Variants in ST6GAL1 observed in about 807,000 individuals in gnomAD.
The protein encoded by ST6GAL1 is ST6 beta-galactoside alpha-2,6-sialyltransferase 1.
A neutral mutation model predicts 38.0 loss-of-function variants in ST6GAL1; 20 were observed. That is an observed-to-expected ratio of 0.53 (90% CI 0.37 to 0.77). The LOEUF is 0.77. Among genes scored for constraint, ST6GAL1 ranks in the 30% least tolerant of loss-of-function variants. ST6GAL1 has a pLI of 0.00. For synonymous variants in ST6GAL1, 196 were observed against 188.2 expected, an observed-to-expected ratio of 1.04 and a Z score of -0.34; for missense variants, 432 against 496.4, an observed-to-expected ratio of 0.87 and a Z score of 1.23.
At chr3:186,972,548 C>T (rs6799716) in intron 2 of ST6GAL1, among the ~76,000 whole-genome samples, 11,356 of 152,072 alleles carry the variant, frequency 0.075, 475 homozygotes, top group East Asian at 0.17. Flanking sequence ...CCATGCCCGG[C>T]CACTGCTTGT....
chr3:187,019,564 ACTT>A (rs1279374097), intron 2 of ST6GAL1, among the ~76,000 whole-genome samples: 4 of 152,200 alleles, frequency 2.6e-5, no homozygotes, highest in African/African-American at 9.7e-5. Context: ...GAAGGAGCAA[ACTT>A]CTTGTGGGGC....
chr3:187,070,932 A>G (rs1294744285), intron 5 of ST6GAL1, among the ~76,000 whole-genome samples: 1 of 152,162 alleles, frequency 6.6e-6, no homozygotes, highest in Non-Finnish European at 1.5e-5. Flanking sequence ...TCTTGTCTCA[A>G]AGATATATTG....
intron 5 of ST6GAL1, among the ~76,000 whole-genome samples, chr3:187,059,708 C>T (rs1402510590): frequency 1.3e-5 from 2 of 152,198 alleles, no homozygotes. Context: ...GCACTTAGAA[C>T]AATACCTGGC....
intron 2 of ST6GAL1, among the ~76,000 whole-genome samples, chr3:186,999,219 G>A (rs1347054656): frequency 2.6e-5 from 4 of 151,376 alleles, no homozygotes; most frequent in Non-Finnish European, 5.9e-5. Context: ...AGGGCCGTGG[G>A]ACCATTAACA....
chr3:187,011,161 G>C lies in ST6GAL1; in HGVS notation c.-182-27581G>C, dbSNP rs1159796911. Among the ~76,000 whole-genome samples the C allele has an allele frequency of 2.6e-5, 4 of 152,102 alleles. 1 individual carries two copies. The highest frequency in any genetic ancestry group is 9.7e-5 in the African/African-American group (4 of 41,434). The stretch of plus-strand genomic sequence containing the variant: ...TTACAGGCATATGCCACCATGCCCG[G>C]CAAATTTTTGTATTTTTAGTAGGGA... On this transcript the variant is annotated intron_variant, in intron 2 of 7. Transcript: ENST00000169298.
At chr3:186,957,490 A>T (rs1714785749) in intron 1 of ST6GAL1, among the ~76,000 whole-genome samples, 1 of 152,132 alleles carries the variant, frequency 6.6e-6, no homozygotes, top group African/African-American at 2.4e-5. Flanking sequence ...TTATTCTAAG[A>T]AGCCCAACAT....
chr3:187,077,385 CA>C lies in ST6GAL1; in HGVS notation c.*1583del, dbSNP rs1719598296. 6.3e-6 allele frequency: 1 copy of C among 159,936 alleles called. No homozygotes were observed. The highest frequency in any genetic ancestry group is 1.4e-5 in the Non-Finnish European group (1 of 73,686). 9.9% of individuals were successfully genotyped at this position (159,936 alleles called of 1,614,324 possible). A position where few individuals can be genotyped will look rare whatever the true frequency, so the allele number is the denominator to read the frequency against. On this transcript the variant is annotated 3_prime_UTR_variant, in exon 8 of 8. Coordinates refer to ENST00000169298, the MANE Select transcript of ST6GAL1 (RefSeq NM_173216.2). ...GCTGTAGAGCCAGGATTCCTAGACC[CA>C]GGGCTCTGCACTCTCAAGGCTGGCC...
At chr3:186,967,579 A>G (rs57085884) in intron 2 of ST6GAL1, among the ~76,000 whole-genome samples, 4,018 of 152,226 alleles carry the variant, frequency 0.026, 177 homozygotes, top group African/African-American at 0.091. Flanking sequence ...GAAGATACCT[A>G]CTGAGGGACA....
chr3:187,064,223 G>A (rs1046832792), intron 5 of ST6GAL1, among the ~76,000 whole-genome samples: 5 of 152,126 alleles, frequency 3.3e-5, no homozygotes, highest in South Asian at 2.1e-4. Flanking sequence ...TATTTTACTC[G>A]TATGATGGAA....
intron 2 of ST6GAL1, among the ~76,000 whole-genome samples, chr3:187,028,099 G>C: frequency 6.6e-6 from 1 of 152,072 alleles, no homozygotes; most frequent in African/African-American, 2.4e-5. Context: ...AGTGAGAGTG[G>C]GAAGATAGCT....
In ST6GAL1 at chr3:187,075,635, C is replaced by T. The variant is rs7629263; in HGVS notation, c.1053C>T (p.Asp351=). Residue 351 remains aspartate (D), a synonymous_variant, in exon 8 of 8, where the codon GAC becomes GAT. Transcript: ENST00000169298. This position sits in a 1 kb window ranked among gnomAD's most constrained non-coding sequence, Gnocchi z 4.1. ...TCCTCCCATCCAAGCGCAAGACTGA[C>T]GTGTGCTACTACTACCAGAAGTTCT... ...YEFLPSKRKT[D]VCYYYQKFFD... is the part of the protein sequence containing the mutation. 30,199 of 1,614,104 alleles carry T rather than the reference C, an allele frequency of 0.019. 2,049 individuals carry two copies. The African/African-American group carries it at 0.19, about 10-fold the overall frequency.
At chr3:187,013,911 C>T (rs1451750880) in intron 2 of ST6GAL1, among the ~76,000 whole-genome samples, 2 of 152,170 alleles carry the variant, frequency 1.3e-5, no homozygotes, top group Non-Finnish European at 2.9e-5. Context: ...TTGAGATGAA[C>T]ATCAAGGTCT....
At chr3:186,981,163 A>G (rs3868043) in intron 2 of ST6GAL1, among the ~76,000 whole-genome samples, 65,202 of 152,112 alleles carry the variant, frequency 0.43, 14,712 homozygotes, top group East Asian at 0.84. Context: ...TGTGAATTGG[A>G]CAGCACTCAG....
chr3:187,003,230 C>T (rs1716679938), intron 2 of ST6GAL1, among the ~76,000 whole-genome samples: 1 of 152,238 alleles, frequency 6.6e-6, no homozygotes, highest in African/African-American at 2.4e-5. Context: ...GGCAGTCAGA[C>T]AGGAGGAGCT....
intron 1 of ST6GAL1, among the ~76,000 whole-genome samples, chr3:186,940,591 T>C (rs77494340): frequency 2.0e-5 from 3 of 152,248 alleles, no homozygotes; most frequent in African/African-American, 4.8e-5. Context: ...TGCGTTTTTT[T>C]GTGTTTTTCT....
chr3:187,062,284 A>G (rs1329580501), intron 5 of ST6GAL1, among the ~76,000 whole-genome samples: 1 of 152,164 alleles, frequency 6.6e-6, no homozygotes, highest in Non-Finnish European at 1.5e-5. Flanking sequence ...AGTGCCTCAA[A>G]AACTTAAAAA....
At chr3:187,021,261 C>G (rs1487594683) in intron 2 of ST6GAL1, among the ~76,000 whole-genome samples, 1 of 152,074 alleles carries the variant, frequency 6.6e-6, no homozygotes, top group African/African-American at 2.4e-5. Flanking sequence ...CATGCCTGGA[C>G]TATGTGTTGG....
intron 2 of ST6GAL1, among the ~76,000 whole-genome samples, chr3:187,001,801 C>CA (rs1716625748): frequency 6.6e-6 from 1 of 151,908 alleles, no homozygotes; most frequent in Non-Finnish European, 1.5e-5. Context: ...ACTAAAAATA[C>CA]AAAAATTAGC....
At chr3:186,985,140 C>A (rs1393720966) in intron 2 of ST6GAL1, among the ~76,000 whole-genome samples, 1 of 151,938 alleles carries the variant, frequency 6.6e-6, no homozygotes, top group Non-Finnish European at 1.5e-5. Context: ...AACTCCTGAC[C>A]TCAAGTGATC....
Sources: gnomAD v4.1 joint callset for allele counts (sites outside exome capture counted in the v4.1 genomes callset) on GRCh38, gnomAD v4.1.1 for gene constraint, Gnocchi (gnomAD v3.1) non-coding constraint, MANE v1.5 for transcripts, NCBI Gene and HGNC (gene_info 2026-07-23, HGNC 2026-07-21) for gene names.